NFATC1: variants seen among roughly 807,000 people sequenced by gnomAD.
The protein encoded by NFATC1 is nuclear factor of activated T cells 1.
NFATC1 carries 22 observed loss-of-function variants against 76.0 expected under a neutral mutation model. The ratio of observed to expected loss-of-function variants is 0.29; its 90% confidence interval spans 0.21 to 0.41. NFATC1 has a LOEUF of 0.41. Among genes scored for constraint, NFATC1 ranks in the 10% least tolerant of loss-of-function variants. The pLI is 1.00. For synonymous variants in NFATC1, 704 were observed against 613.1 expected (o/e 1.15, Z -2.19); for missense variants, 1,357 against 1,337.7 (o/e 1.01, Z -0.23).
Position 79,411,296 on chromosome 18 carries a change from G to T in NFATC1, c.1021G>T (p.Glu341Ter). The change falls in exon 2 of 10, where the codon GAG becomes TAG. Residue 341 changes from glutamate to a stop codon, truncating the protein, a stop_gained. Coordinates refer to ENST00000427363, the MANE Select transcript of NFATC1 (RefSeq NM_001278669.2). LOFTEE classifies it high-confidence loss of function. The stretch of plus-strand genomic sequence containing the variant: ...TGTCAAGTCCCGCAAGACCACCCTG[G>T]AGCAGCCGCCCTCAGTGGCGCTCAA... ...VPVKSRKTTL[E>*]QPPSVALKVE... 6.2e-7 allele frequency: 1 copy of T among 1,603,762 alleles called. No individual in the cohort carries two copies.
intron 3 of NFATC1, among the ~76,000 whole-genome samples, chr18:79,441,741 G>A (rs904953747): frequency 3.9e-5 from 6 of 152,120 alleles, no homozygotes; most frequent in Admixed American, 6.5e-5. Flanking sequence ...CTTCGTGGCC[G>A]TGGGCTGTGG....
chr18:79,522,165 G>GGC (rs2090618247), intron 9 of NFATC1, among the ~76,000 whole-genome samples: 2 of 75,190 alleles, frequency 2.7e-5, no homozygotes, highest in African/African-American at 5.9e-5. Context: ...GTGTGTGTGG[G>GGC]GGGGTATCTG....
chr18:79,460,775 G>GC (rs376066675), intron 6 of NFATC1, among the ~76,000 whole-genome samples: 5 of 152,262 alleles, frequency 3.3e-5, no homozygotes, highest in African/African-American at 1.2e-4. Context: ...CTGGCGTGGA[G>GC]CCCCCGGCCC....
rs373708200 is a variant in NFATC1 at position 79,443,543 on chromosome 18, G to A, written c.1387-5239G>A. Among the ~76,000 whole-genome samples, 16 of 152,312 alleles carry A rather than the reference G, an allele frequency of 1.1e-4. No individual in the cohort carries two copies. The East Asian group carries it at 2.1e-3, about 20-fold the overall frequency. ...GGGAGGAGCTAGTTTCCCAGTCGGC[G>A]CCCGTGCATTCACCGGTCTGAGAAT... On this transcript the variant is annotated intron_variant, in intron 3 of 9. Transcript: ENST00000427363.
chr18:79,457,452 GC>G (rs1372868405), intron 6 of NFATC1, among the ~76,000 whole-genome samples: 2 of 152,208 alleles, frequency 1.3e-5, no homozygotes, highest in Non-Finnish European at 2.9e-5. Flanking sequence ...AGGAGGAGGG[GC>G]CGGGCTTCTG....
intron 2 of NFATC1, among the ~76,000 whole-genome samples, chr18:79,419,386 C>T (rs553348468): frequency 1.3e-5 from 2 of 151,678 alleles, no homozygotes; most frequent in Admixed American, 6.6e-5. Context: ...GGGAGCCCCC[C>T]TAGGAGGGTC....
chr18:79,478,865 G>A (rs1404807249), intron 8 of NFATC1, among the ~76,000 whole-genome samples: 1 of 152,218 alleles, frequency 6.6e-6, no homozygotes, highest in African/African-American at 2.4e-5. Context: ...CATGGGACGG[G>A]CCCTCCGTGC....
intron 6 of NFATC1, among the ~76,000 whole-genome samples, chr18:79,459,456 G>A (rs1380971597): frequency 2.0e-5 from 3 of 152,314 alleles, no homozygotes; most frequent in Non-Finnish European, 4.4e-5. Context: ...TGTTGGCCTC[G>A]GCTGCAAAAA....
At chr18:79,455,764 ACGGCCGCCC>A (rs1302913730) in intron 6 of NFATC1, among the ~76,000 whole-genome samples, 1 of 10,502 alleles carries the variant, frequency 9.5e-5, no homozygotes, top group Non-Finnish European at 2.4e-4. Context: ...GCCCCATCCC[ACGGCCGCCC>A]CATCCCACGG....
Position 79,410,647 on chromosome 18 carries a change from G to A in NFATC1, c.372G>A (p.Ser124=), listed in dbSNP as rs531571006. The change falls in exon 2 of 10, where the codon TCG becomes TCA. Residue 124 remains serine (S), a synonymous_variant. Transcript: ENST00000427363. The surrounding 1 kb of genome is among the most constrained non-coding windows in gnomAD (Gnocchi z 6.7). ...ALESPRIEIT[S]CLGLYHNNNQ... is the part of the protein sequence containing the mutation. Reference sequence around the variant, plus strand: ...AGAGTCCTCGCATCGAGATAACCTCGTGCTTGGGCCTGTACCACAACAATA... The same window carrying A: ...AGAGTCCTCGCATCGAGATAACCTCATGCTTGGGCCTGTACCACAACAATA... The A allele has an allele frequency of 1.9e-5, 30 of 1,613,096 alleles. No individual in the cohort carries two copies. The highest frequency in any genetic ancestry group is 2.5e-5 in the Non-Finnish European group (29 of 1,180,020).
chr18:79,512,811 T>C (rs182215433), intron 9 of NFATC1, among the ~76,000 whole-genome samples: 156 of 152,350 alleles, frequency 1.0e-3, no homozygotes, highest in South Asian at 1.9e-3. Flanking sequence ...AGGGAGGTCC[T>C]GAGGGCGCCT....
chr18:79,407,439 C>T (rs1047856803), intron 1 of NFATC1, among the ~76,000 whole-genome samples: 1 of 152,102 alleles, frequency 6.6e-6, no homozygotes. Flanking sequence ...GAAAGACCTC[C>T]TTATTGATTT....
intron 2 of NFATC1, among the ~76,000 whole-genome samples, chr18:79,431,828 G>C (rs545055532): frequency 2.0e-5 from 3 of 152,040 alleles, no homozygotes; most frequent in African/African-American, 7.2e-5. Flanking sequence ...TCAGCCTCTC[G>C]AGTAGCTGGG....
intron 1 of NFATC1, among the ~76,000 whole-genome samples, chr18:79,408,102 T>C (rs1390705485): frequency 6.6e-6 from 1 of 152,234 alleles, no homozygotes; most frequent in African/African-American, 2.4e-5. Context: ...TGCCGTGCCG[T>C]GTTTCCCACC....
intron 2 of NFATC1, among the ~76,000 whole-genome samples, chr18:79,431,355 G>A (rs114366250): frequency 0.012 from 1,761 of 152,188 alleles, 31 homozygotes; most frequent in African/African-American, 0.038. Context: ...TCTGCCCATC[G>A]TTTTTAGTTT....
intron 2 of NFATC1, among the ~76,000 whole-genome samples, 157 bp downstream of exon 2, chr18:79,411,658 CAG>C (rs1316653163): frequency 2.0e-5 from 3 of 152,162 alleles, no homozygotes; most frequent in Admixed American, 6.5e-5. Context: ...AGCTGGGAGG[CAG>C]AGTCTGTCCC....
At chr18:79,476,617 A>T (rs1021388856) in intron 8 of NFATC1, among the ~76,000 whole-genome samples, 8 of 151,788 alleles carry the variant, frequency 5.3e-5, no homozygotes, top group Non-Finnish European at 1.0e-4. Context: ...ACGCTTCTGT[A>T]TGTGTAGGAA....
At position 79,433,552 on chromosome 18, in the gene NFATC1, C is replaced by T. The variant is rs201223567; in HGVS notation, c.1227-27C>T. Reference sequence around the variant, plus strand: ...CGGGCGAGGTCTGTGTGGTGCTGAACGCCTCCTCTGCTCTGTTCCCTTCCA... The same window carrying T: ...CGGGCGAGGTCTGTGTGGTGCTGAATGCCTCCTCTGCTCTGTTCCCTTCCA... On this transcript the variant is annotated intron_variant, in intron 2 of 9. Transcript: ENST00000427363. 1.6e-4 allele frequency: 266 copies of T among 1,612,244 alleles called. 1 individual carries two copies. The African/African-American group carries it at 2.9e-3, about 18-fold the overall frequency.
intron 8 of NFATC1, among the ~76,000 whole-genome samples, chr18:79,472,466 C>G (rs1297710871): frequency 6.6e-6 from 1 of 152,234 alleles, no homozygotes; most frequent in Non-Finnish European, 1.5e-5. Context: ...CTGCCTTTTC[C>G]CTGGACTTTC....
Sources: allele counts gnomAD v4.1 joint callset (sites outside exome capture counted in the v4.1 genomes callset), GRCh38; gene constraint gnomAD v4.1.1; non-coding constraint Gnocchi (gnomAD v3.1); transcripts MANE v1.5; gene names NCBI Gene and HGNC (gene_info 2026-07-23, HGNC 2026-07-21).